The following IMMP2L variants were observed in gnomAD, a reference collection of about 807,000 sequenced individuals.
IMMP2L encodes the protein mitochondrial inner membrane protease subunit 2.
A neutral mutation model predicts 19.3 loss-of-function variants in IMMP2L; 18 were observed. The ratio of observed to expected loss-of-function variants is 0.93; its 90% CI spans 0.64 to 1.38. IMMP2L has a LOEUF of 1.38. Among genes scored for constraint, IMMP2L ranks in the 40% most tolerant of loss-of-function variants. IMMP2L has a pLI of 0.00. For synonymous variants in IMMP2L, 76 were observed against 73.0 expected, an observed-to-expected ratio of 1.04 and a Z score of -0.21; for missense variants, 233 against 218.2, an observed-to-expected ratio of 1.07 and a Z score of -0.43.
intron 1 of IMMP2L, among the ~76,000 whole-genome samples, chr7:111,540,469 A>T (rs1848414262): frequency 6.6e-6 from 1 of 152,210 alleles, no homozygotes; most frequent in African/African-American, 2.4e-5. Context: ...ACAGCTGAAC[A>T]CATAAAATTA....
intron 3 of IMMP2L, among the ~76,000 whole-genome samples, chr7:111,125,695 T>A (rs1421701970): frequency 6.6e-6 from 1 of 152,170 alleles, no homozygotes; most frequent in Non-Finnish European, 1.5e-5. Context: ...ACTTAAGGAT[T>A]TTTTTAACAA....
rs1362049172 is a variant in IMMP2L, at chr7:110,870,187, G to C, written c.408+16406C>G. 6.6e-6 allele frequency among the ~76,000 whole-genome samples: 1 copy of C among 152,004 alleles called. No homozygotes were observed. The highest frequency in any genetic ancestry group is 1.5e-5 in the Non-Finnish European group (1 of 67,984). ...GTGATATCCATCTCATCCTCTTTCT[G>C]AAAAGTGCATCATGTCAGGAGCCTT... is the stretch of plus-strand genomic sequence containing the variant. On this transcript the variant is annotated intron_variant, in intron 5 of 5. Transcript: ENST00000405709. The surrounding 1 kb of genome is among the most constrained non-coding windows in gnomAD (Gnocchi z 4.2).
chr7:111,432,007 T>C (rs2032752483), intron 3 of IMMP2L, among the ~76,000 whole-genome samples: 1 of 151,798 alleles, frequency 6.6e-6, no homozygotes, highest in South Asian at 2.1e-4. Context: ...CTCCAGTAAA[T>C]TAATTGAACC....
intron 2 of IMMP2L, among the ~76,000 whole-genome samples, chr7:111,513,117 G>A (rs1845597248): frequency 6.6e-6 from 1 of 152,052 alleles, no homozygotes; most frequent in Non-Finnish European, 1.5e-5. Flanking sequence ...AGACAGCTGA[G>A]CTCCTATCAA....
Position 111,467,525 on chromosome 7 carries a change from G to A in IMMP2L, c.239+19713C>T, listed in dbSNP as rs540128775. ...TTTTACAGAATAAATGTTCAAAGAT[G>A]GCTGGTATGTATATTGAAAACAATA... is the stretch of plus-strand genomic sequence containing the variant. On this transcript the variant is annotated intron_variant, in intron 3 of 5. Coordinates refer to ENST00000405709, the MANE Select transcript of IMMP2L (RefSeq NM_032549.4). 1.3e-4 allele frequency among the ~76,000 whole-genome samples: 20 copies of A among 152,178 alleles called. No homozygotes were observed. The East Asian group carries it at 3.7e-3, about 28-fold the overall frequency.
intron 3 of IMMP2L, among the ~76,000 whole-genome samples, chr7:111,385,472 A>T (rs1424287814): frequency 6.6e-6 from 1 of 152,178 alleles, no homozygotes; most frequent in African/African-American, 2.4e-5. Flanking sequence ...GGCCGAAGTG[A>T]GTCCACAACC....
rs754122171 is a variant in IMMP2L, at chr7:111,123,659, A to G, written c.240-160094T>C. On this transcript the variant is annotated intron_variant, in intron 3 of 5. Transcript: ENST00000405709. The surrounding 1 kb of genome is among the most constrained non-coding windows in gnomAD (Gnocchi z 6.4). ...GAGTTGGGGATAAATAATATGCCTG[A>G]GCTGATTTCCATCGATAGTCTTGCT... 11 of 1,613,998 alleles carry G rather than the reference A, an allele frequency of 6.8e-6. No individual in the cohort carries two copies. Among genetic ancestry groups the G allele is most frequent in the Non-Finnish European group, 8.5e-6 (10 of 1,179,972 alleles).
intron 3 of IMMP2L, among the ~76,000 whole-genome samples, chr7:111,470,369 T>TA (rs1011302936): frequency 6.6e-6 from 1 of 151,964 alleles, no homozygotes; most frequent in African/African-American, 2.4e-5. Context: ...GCAATCCCAT[T>TA]ACTGGGTATA....
At chr7:111,409,310 T>G (rs976953070) in intron 3 of IMMP2L, among the ~76,000 whole-genome samples, 1 of 151,664 alleles carries the variant, frequency 6.6e-6, no homozygotes, top group Non-Finnish European at 1.5e-5. Flanking sequence ...TGATTCAATA[T>G]GGTTATCAGC....
intron 3 of IMMP2L, among the ~76,000 whole-genome samples, chr7:111,207,460 A>G (rs1363025924): frequency 6.6e-6 from 1 of 152,032 alleles, no homozygotes; most frequent in Non-Finnish European, 1.5e-5. Flanking sequence ...ATCTTTAAAA[A>G]TGTAAAAACC....
chr7:111,384,235 GAGGAGAA>G (rs1210518609), intron 3 of IMMP2L, among the ~76,000 whole-genome samples: 43 of 141,868 alleles, frequency 3.0e-4, no homozygotes, highest in African/African-American at 1.3e-3. Flanking sequence ...AGAAAGGAGA[GAGGAGAA>G]AGGAGAGAGG....
intron 3 of IMMP2L, among the ~76,000 whole-genome samples, chr7:111,193,517 T>A (rs1378556639): frequency 6.6e-6 from 1 of 152,136 alleles, no homozygotes; most frequent in Non-Finnish European, 1.5e-5. Flanking sequence ...TCCAACGACT[T>A]TTAAAGAAAA....
rs2130950109 is a variant in IMMP2L at position 110,757,586 on chromosome 7, G to C, written c.409-93865C>G. On this transcript the variant is annotated intron_variant, in intron 5 of 5. Transcript: ENST00000405709. The surrounding 1 kb of genome is among the most constrained non-coding windows in gnomAD (Gnocchi z 4.2). Reference sequence around the variant, plus strand: ...CCCCAGTTGAAGTTCAAAGGTCACTGCTTTTCTCAAGGGAGGCCTGTCTAC... The same window carrying C: ...CCCCAGTTGAAGTTCAAAGGTCACTCCTTTTCTCAAGGGAGGCCTGTCTAC... 6.6e-6 allele frequency among the ~76,000 whole-genome samples: 1 copy of C among 152,166 alleles called. No homozygotes were observed. Among genetic ancestry groups the C allele is most frequent in the South Asian group, 2.1e-4 (1 of 4,820 alleles).
chr7:111,080,196 G>A (rs1795773385), intron 3 of IMMP2L, among the ~76,000 whole-genome samples: 2 of 152,144 alleles, frequency 1.3e-5, no homozygotes, highest in South Asian at 2.1e-4. Flanking sequence ...GACTGTTACA[G>A]TGGACTGCAG....
intron 3 of IMMP2L, among the ~76,000 whole-genome samples, chr7:111,252,771 G>C (rs146596006): frequency 2.0e-5 from 3 of 152,246 alleles, no homozygotes; most frequent in Non-Finnish European, 2.9e-5. Context: ...TATTGTTTCA[G>C]AGGCATGAAC....
intron 3 of IMMP2L, among the ~76,000 whole-genome samples, chr7:111,265,329 G>A (rs1817714362): frequency 6.6e-6 from 1 of 152,152 alleles, no homozygotes; most frequent in South Asian, 2.1e-4. Context: ...ACTTTCATGA[G>A]CAGTATATTG....
chr7:111,485,624 A>AAC (rs1331949974), intron 3 of IMMP2L, among the ~76,000 whole-genome samples: 3 of 150,470 alleles, frequency 2.0e-5, no homozygotes, highest in African/African-American at 4.9e-5. Flanking sequence ...AAAAAAAAAA[A>AAC]ACACAGTTCA....
chr7:110,716,761 A>AT (rs1795257843), intron 5 of IMMP2L, among the ~76,000 whole-genome samples: 1 of 152,030 alleles, frequency 6.6e-6, no homozygotes, highest in Admixed American at 6.5e-5. Flanking sequence ...TGAACTCTGA[A>AT]AAGAGTGAAG....
intron 5 of IMMP2L, among the ~76,000 whole-genome samples, chr7:110,863,882 C>T (rs1419007549): frequency 6.6e-6 from 1 of 152,078 alleles, no homozygotes; most frequent in Admixed American, 6.6e-5. Flanking sequence ...GCAAGTCACA[C>T]TGATAAGCCC....
Sources: gnomAD v4.1 joint callset for allele counts (sites outside exome capture counted in the v4.1 genomes callset) on GRCh38, gnomAD v4.1.1 for gene constraint, Gnocchi (gnomAD v3.1) non-coding constraint, MANE v1.5 for transcripts, NCBI Gene and HGNC (gene_info 2026-07-23, HGNC 2026-07-21) for gene names.